The following DAB1 variants were observed in gnomAD, a reference collection of about 807,000 sequenced individuals.
DAB1 encodes the protein disabled homolog 1.
A neutral mutation model predicts 64.6 loss-of-function variants in DAB1; 15 were observed. That is an observed-to-expected ratio of 0.23 (90% CI 0.16 to 0.36). DAB1 has a LOEUF of 0.36. Ranked by LOEUF, DAB1 falls within the 10% of genes least tolerant of loss-of-function variation. The pLI is 1.00. For synonymous variants in DAB1, 235 were observed against 251.9 expected (o/e 0.93, Z 0.64); for missense variants, 596 against 706.7 (o/e 0.84, Z 1.78).
At chr1:57,905,251 A>G (rs1451349975) in intron 5 of DAB1, among the ~76,000 whole-genome samples, 1 of 151,856 alleles carries the variant, frequency 6.6e-6, no homozygotes, top group Non-Finnish European at 1.5e-5. Context: ...TACAGAATAA[A>G]GCGTGAAAGT....
At chr1:58,217,627 C>A (rs912460972) in intron 4 of DAB1, among the ~76,000 whole-genome samples, 1 of 152,192 alleles carries the variant, frequency 6.6e-6, no homozygotes, top group African/African-American at 2.4e-5. Context: ...CTGATTTAAT[C>A]TTTATAACCG....
chr1:58,330,137 C>G (rs1170945226), intron 4 of DAB1, among the ~76,000 whole-genome samples: 1 of 152,192 alleles, frequency 6.6e-6, no homozygotes, highest in Non-Finnish European at 1.5e-5. Flanking sequence ...AGAAGTGCCA[C>G]TCCAGTGCAT....
At chr1:57,342,708 T>A (rs916548168) in intron 1 of DAB1, among the ~76,000 whole-genome samples, 2 of 152,166 alleles carry the variant, frequency 1.3e-5, no homozygotes, top group Non-Finnish European at 2.9e-5. Context: ...GATGTTCGGA[T>A]GTGTTCAGAG....
intron 3 of DAB1, among the ~76,000 whole-genome samples, chr1:58,373,939 G>A (rs1488963756): frequency 6.7e-6 from 1 of 149,318 alleles, no homozygotes; most frequent in Non-Finnish European, 1.5e-5. Context: ...GTGATGGTGA[G>A]CATTTTTTCA....
At chr1:58,382,492 C>T (rs963957266) in intron 3 of DAB1, among the ~76,000 whole-genome samples, 7 of 152,184 alleles carry the variant, frequency 4.6e-5, no homozygotes, top group African/African-American at 1.7e-4. Context: ...TGATTCATAG[C>T]CCTGAAAGGG....
chr1:58,526,319 T>G (rs1223515505), intron 2 of DAB1, among the ~76,000 whole-genome samples: 1 of 152,094 alleles, frequency 6.6e-6, no homozygotes, highest in East Asian at 1.9e-4. Context: ...TTTATGAAAT[T>G]AAATCCATAA....
intron 1 of DAB1, among the ~76,000 whole-genome samples, chr1:57,376,489 A>G (rs1680906553): frequency 6.6e-6 from 1 of 152,260 alleles, no homozygotes; most frequent in South Asian, 2.1e-4. Flanking sequence ...CGATGCAGGA[A>G]TATCTGACTG....
At chr1:57,740,876 A>G (rs1490032338) in intron 6 of DAB1, among the ~76,000 whole-genome samples, 1 of 152,226 alleles carries the variant, frequency 6.6e-6, no homozygotes, top group Non-Finnish European at 1.5e-5. Flanking sequence ...CAGAAATTAA[A>G]TGGTGGAGAA....
chr1:57,457,805 G>A (rs532557267), intron 7 of DAB1, among the ~76,000 whole-genome samples: 14 of 152,108 alleles, frequency 9.2e-5, no homozygotes, highest in Admixed American at 9.2e-4. Flanking sequence ...AGAGAAAGAA[G>A]ATGGAGGACA....
chr1:58,355,501 GGC>G (rs1252304757), intron 3 of DAB1, among the ~76,000 whole-genome samples: 1 of 151,920 alleles, frequency 6.6e-6, no homozygotes, highest in African/African-American at 2.4e-5. Context: ...TAACAAGCCT[GGC>G]AGACCTCTCA....
chr1:57,403,340 C>T (rs1177261750), intron 1 of DAB1, among the ~76,000 whole-genome samples: 1 of 152,146 alleles, frequency 6.6e-6, no homozygotes, highest in East Asian at 1.9e-4. Context: ...TTGGGGAGAA[C>T]CTACTTACTA....
intron 5 of DAB1, among the ~76,000 whole-genome samples, chr1:57,978,838 T>C (rs1645989241): frequency 2.0e-5 from 3 of 152,164 alleles, no homozygotes; most frequent in African/African-American, 7.2e-5. Context: ...CTGGTCATTA[T>C]GGAAATGCAA....
chr1:58,479,879 G>A (rs984106079), intron 3 of DAB1, among the ~76,000 whole-genome samples: 1 of 151,964 alleles, frequency 6.6e-6, no homozygotes, highest in African/African-American at 2.4e-5. Flanking sequence ...AACCTAGTAG[G>A]GTTATGGAAT....
At chr1:57,894,339 C>T (rs1300643249) in intron 5 of DAB1, among the ~76,000 whole-genome samples, 1 of 152,152 alleles carries the variant, frequency 6.6e-6, no homozygotes, top group Admixed American at 6.5e-5. Context: ...TTGCTGAGGA[C>T]CTGCATGGAT....
At chr1:57,738,233 T>A (rs1045164254) in intron 6 of DAB1, among the ~76,000 whole-genome samples, 5 of 152,184 alleles carry the variant, frequency 3.3e-5, no homozygotes, top group African/African-American at 9.7e-5. Flanking sequence ...TACAGACTCT[T>A]TTGAAGGTAG....
chr1:57,020,907 C>T (rs1404776092), intron 11 of DAB1, among the ~76,000 whole-genome samples: 1 of 152,166 alleles, frequency 6.6e-6, no homozygotes, highest in Non-Finnish European at 1.5e-5. Context: ...AGGATCCAAA[C>T]CTGGCCCATT....
intron 6 of DAB1, among the ~76,000 whole-genome samples, chr1:57,762,309 G>A (rs1271828775): frequency 1.3e-5 from 2 of 151,762 alleles, no homozygotes; most frequent in Admixed American, 6.6e-5. Context: ...GTGTGTATAC[G>A]TATATGGGTT....
At chr1:58,229,172 T>C (rs1329254127) in intron 4 of DAB1, among the ~76,000 whole-genome samples, 1 of 152,162 alleles carries the variant, frequency 6.6e-6, no homozygotes. Context: ...TCTCACTATG[T>C]ATCCCAGGTT....
chr1:57,488,401 CA>C (rs11455708), intron 7 of DAB1, among the ~76,000 whole-genome samples: 1,622 of 74,098 alleles, frequency 0.022, 14 homozygotes, highest in African/African-American at 0.074. Context: ...GATTCCGTCT[CA>C]AAAAAAAAAA....
Sources: allele counts gnomAD v4.1 joint callset (sites outside exome capture counted in the v4.1 genomes callset), GRCh38; gene constraint gnomAD v4.1.1; transcripts MANE v1.5; gene names NCBI Gene and HGNC (gene_info 2026-07-23, HGNC 2026-07-21).